CACNA1H: variants seen among roughly 807,000 people sequenced by gnomAD.
CACNA1H encodes voltage-dependent T-type calcium channel subunit alpha-1H.
CACNA1H carries 149 observed loss-of-function variants against 192.5 expected under a neutral mutation model. The ratio of observed to expected loss-of-function variants is 0.77; its 90% CI spans 0.68 to 0.89. The LOEUF is 0.89. Ranked by LOEUF, CACNA1H falls within the 40% of genes least tolerant of loss-of-function variation. CACNA1H has a pLI of 0.00. For missense variants in CACNA1H, 4,257 were observed against 3,423.5 expected (o/e 1.24, Z -6.08); for synonymous variants, 2,202 against 1,475.2 (o/e 1.49, Z -11.29).
intron 2 of CACNA1H, among the ~76,000 whole-genome samples, chr16:1,158,523 C>A (rs867347360): frequency 6.6e-6 from 1 of 152,198 alleles, no homozygotes; most frequent in African/African-American, 2.4e-5. Flanking sequence ...GCCGCACGCC[C>A]CGTGGGACGT....
rs60068181 is a variant in CACNA1H at position 1,214,895 on chromosome 16, G to A, written c.4930-77G>A. The A allele has an allele frequency of 3.0e-3, 3,335 of 1,103,256 alleles. 54 individuals carry two copies. The highest frequency in any genetic ancestry group is 0.025 in the South Asian group (1,879 of 74,640). 68.3% of individuals were successfully genotyped at this position (1,103,256 alleles called of 1,614,324 possible). Reference sequence around the variant, plus strand: ...CCAGGGCCGGCCAGCGGGGGCACTCGGGCGTGCAGAGTGGGAGCCAGGGGG... The same window carrying A: ...CCAGGGCCGGCCAGCGGGGGCACTCAGGCGTGCAGAGTGGGAGCCAGGGGG... On this transcript the variant is annotated intron_variant, in intron 27 of 34. Coordinates refer to ENST00000348261, the MANE Select transcript of CACNA1H (RefSeq NM_021098.3).
At chr16:1,205,964 A>T in intron 11 of CACNA1H, 140 bp from the exon 12 acceptor site, 4 of 759,514 alleles carry the variant, frequency 5.3e-6, no homozygotes, top group Non-Finnish European at 8.2e-6. Context: ...ATGCACCTTG[A>T]TGCAGCCATA....
Position 1,209,100 on chromosome 16 carries a change from C to A in CACNA1H, c.3432C>A (p.Ser1144Arg). The change falls in exon 17 of 35, where the codon AGC (serine) becomes AGA (arginine). Residue 1144 changes from serine (S) to arginine (R), a missense_variant. Ser to Arg is a moderately radical substitution (Grantham distance 110, BLOSUM62 -1). Coordinates refer to ENST00000348261, the MANE Select transcript of CACNA1H (RefSeq NM_021098.3). ...GCGCCTGGAGCAGCCGGCGCTCCAG[C>A]TGGAGCAGCCTGGGCCGTGCCCCCA... ...PSGAWSSRRS[S>R]WSSLGRAPSL... 1 of 1,549,432 alleles carries A rather than the reference C, an allele frequency of 6.5e-7. No individual in the cohort carries two copies. The highest frequency in any genetic ancestry group is 2.0e-5 in the Admixed American group (1 of 49,972).
At chr16:1,169,187 G>T (rs1252262139) in intron 2 of CACNA1H, among the ~76,000 whole-genome samples, 2 of 148,338 alleles carry the variant, frequency 1.3e-5, no homozygotes, top group African/African-American at 4.9e-5. Flanking sequence ...GGTGGGGGTG[G>T]GGCTTGCTGG....
rs1244033672 is a variant in CACNA1H at position 1,209,085 on chromosome 16, C to T, written c.3417C>T (p.Ser1139=). 9 of 1,544,212 alleles carry T rather than the reference C, an allele frequency of 5.8e-6. No homozygotes were observed. The highest frequency in any genetic ancestry group is 7.0e-6 in the Non-Finnish European group (8 of 1,148,642). The part of the protein sequence containing the change: ...CAPWGPSGAW[S]SRRSSWSSLG... ...CCTGGGGCCCCAGTGGCGCCTGGAG[C>T]AGCCGGCGCTCCAGCTGGAGCAGCC... The change falls in exon 17 of 35, where the codon AGC becomes AGT. Residue 1139 remains serine (S), a synonymous_variant. Coordinates refer to ENST00000348261, the MANE Select transcript of CACNA1H (RefSeq NM_021098.3).
rs770718464 is a variant in CACNA1H at position 1,209,413 on chromosome 16, G to A, written c.3744+1G>A. 1.9e-6 allele frequency: 3 copies of A among 1,596,834 alleles called. No individual in the cohort carries two copies. The highest frequency in any genetic ancestry group is 1.7e-5 in the Admixed American group (1 of 59,928). ...CGAGCTTGACGACGACTCGGAGGAC[G>A]TGAGTGCGTGGCCCTGGGCCCACCG... On this transcript the variant is annotated splice_donor_variant, in intron 17 of 34. Transcript: ENST00000348261. LOFTEE classifies it high-confidence loss of function.
chr16:1,193,724 C>G (rs1293584607), intron 2 of CACNA1H, among the ~76,000 whole-genome samples: 1 of 152,176 alleles, frequency 6.6e-6, no homozygotes, highest in Non-Finnish European at 1.5e-5. Context: ...ACATTGGTGG[C>G]CTGGAGCCGT....
chr16:1,210,017 C>T lies in CACNA1H; in HGVS notation c.3745-18C>T, dbSNP rs570915422. 2.0e-4 allele frequency: 304 copies of T among 1,540,564 alleles called. 1 individual carries two copies. Among genetic ancestry groups the T allele is most frequent in the Middle Eastern group, 1.1e-3 (6 of 5,452 alleles). ...CAGGCAGGCGCAGGCTCTGAGAAGCCGCCGCCTCATCCCACAGAGCTGCTG... is the reference window on the plus strand; with the variant it reads ...CAGGCAGGCGCAGGCTCTGAGAAGCTGCCGCCTCATCCCACAGAGCTGCTG... On this transcript the variant is annotated intron_variant, in intron 17 of 34. Coordinates refer to ENST00000348261, the MANE Select transcript of CACNA1H (RefSeq NM_021098.3).
In CACNA1H at chr16:1,209,609, C is replaced by T. The variant is rs114948746; in HGVS notation, c.3744+197C>T. 645 of 686,478 alleles carry T rather than the reference C, an allele frequency of 9.4e-4. 6 individuals are homozygous for T. The African/African-American group carries it at 0.011, about 11-fold the overall frequency. The allele number at this position is 686,478 out of a possible 1,614,324, so 42.5% of individuals were successfully genotyped here. A position where few individuals can be genotyped will look rare whatever the true frequency, so the allele number is the denominator to read the frequency against. ...CACAGATGATCCCAGAGTCCCCCCT[C>T]TGCCGTCTAGGGGCTGTGAGCTAAA... On this transcript the variant is annotated intron_variant, in intron 17 of 34. Transcript: ENST00000348261.
chr16:1,220,660 A>T lies in CACNA1H; in HGVS notation c.6728A>T (p.Asp2243Val), dbSNP rs1181194313. Residue 2243 changes from aspartate to valine, a missense_variant, in exon 35 of 35, where the codon GAC becomes GTC. By Grantham distance (152) the Asp-to-Val change is radical (BLOSUM62 -3). Coordinates refer to ENST00000348261, the MANE Select transcript of CACNA1H (RefSeq NM_021098.3). ...EPTEGSGAGGDPAAKGERWGQ... is the reference protein window; with the variant it reads ...EPTEGSGAGGVPAAKGERWGQ... ...ACAGAGGGCTCAGGCGCCGGGGGGG[A>T]CCCTGCAGCCAAGGGGGAGCGCTGG... 1 of 1,604,756 alleles carries T rather than the reference A, an allele frequency of 6.2e-7. No homozygotes were observed. The highest frequency in any genetic ancestry group is 8.5e-7 in the Non-Finnish European group (1 of 1,176,342).
In CACNA1H at chr16:1,206,218, G is replaced by A. The variant is rs776301157; in HGVS notation, c.2718G>A (p.Val906=). The stretch of plus-strand genomic sequence containing the variant: ...TGCCAGCCCTGCGGCGCCAGCTCGT[G>A]GTGCTGGTGAAGACCATGGACAACG... ...RFLPALRRQL[V]VLVKTMDNVA... The change falls in exon 12 of 35, where the codon GTG becomes GTA. Residue 906 remains valine, a synonymous_variant. Transcript: ENST00000348261. 4 of 1,592,734 alleles carry A rather than the reference G, an allele frequency of 2.5e-6. No homozygotes were observed. The African/African-American group carries it at 4.0e-5, about 16-fold the overall frequency.
Position 1,213,854 on chromosome 16 carries a change from T to C in CACNA1H, c.4852T>C (p.Tyr1618His). The change falls in exon 27 of 35, where the codon TAT becomes CAT. Residue 1618 changes from tyrosine (Y) to histidine (H), a missense_variant. By Grantham distance (83) the Tyr-to-His change is moderately conservative. Transcript: ENST00000348261. ...CATTCACTCGCTGTGCACCAGCCAC[T>C]ATCTCGACCTCTTCATCACCTTCAT... is the stretch of plus-strand genomic sequence containing the variant. ...RSIHSLCTSH[Y>H]LDLFITFIIC... The C allele has an allele frequency of 1.2e-6, 2 of 1,609,028 alleles. No individual in the cohort carries two copies. Among genetic ancestry groups the C allele is most frequent in the Non-Finnish European group, 1.7e-6 (2 of 1,178,164 alleles).
rs1269104392 is a variant in CACNA1H, at chr16:1,210,147, G to A, written c.3845+12G>A. ...TCCCCACAGAACCGGTGAGGCGGCC[G>A]GGTCAGGAGGCTGCATGGCTAGTTC... On this transcript the variant is annotated intron_variant, in intron 18 of 34. Transcript: ENST00000348261. 1.1e-5 allele frequency: 17 copies of A among 1,546,496 alleles called. No individual in the cohort carries two copies. Among genetic ancestry groups the A allele is most frequent in the East Asian group, 4.9e-5 (2 of 40,986 alleles).
At chr16:1,202,781 C>T (rs757884504) in intron 9 of CACNA1H, among the ~76,000 whole-genome samples, 4 of 152,218 alleles carry the variant, frequency 2.6e-5, no homozygotes, top group African/African-American at 4.8e-5. Flanking sequence ...GGACCGTATG[C>T]TTGTGTCCAC....
Position 1,200,269 on chromosome 16 carries a change from A to T in CACNA1H, c.817A>T (p.Thr273Ser), listed in dbSNP as rs58386301. The change falls in exon 7 of 35, where the codon ACC becomes TCC. Residue 273 changes from threonine to serine, a missense_variant. Physicochemically the swap from Thr to Ser is moderately conservative, Grantham distance 58. Coordinates refer to ENST00000348261, the MANE Select transcript of CACNA1H (RefSeq NM_021098.3). ...GCCCATCCCCAGGAACAACAACCTGACCTTCCTGCGGCCGTACTACCAGAC... is the reference window on the plus strand; with the variant it reads ...GCCCATCCCCAGGAACAACAACCTGTCCTTCCTGCGGCCGTACTACCAGAC... ...DSAFVRNNNLTFLRPYYQTEE... is the reference protein window; with the variant it reads ...DSAFVRNNNLSFLRPYYQTEE... 1.2e-4 allele frequency: 198 copies of T among 1,600,044 alleles called. 1 individual carries two copies. The African/African-American group carries it at 2.3e-3, about 19-fold the overall frequency.
rs1567509290 is a variant in CACNA1H, at chr16:1,200,745, C to T, written c.1149C>T (p.Ile383=). 2 of 1,560,360 alleles carry T rather than the reference C, an allele frequency of 1.3e-6. No individual in the cohort carries two copies. The highest frequency in any genetic ancestry group is 1.7e-6 in the Non-Finnish European group (2 of 1,152,352). Residue 383 remains isoleucine (I), a synonymous_variant, in exon 8 of 35, where the codon ATC becomes ATT. Coordinates refer to ENST00000348261, the MANE Select transcript of CACNA1H (RefSeq NM_021098.3). ...QVITLEGWVD[I]MYYVMDAHSF... Reference sequence around the variant, plus strand: ...TCACGCTGGAAGGCTGGGTGGACATCATGTACTACGTCATGGACGCCCACT... The same window carrying T: ...TCACGCTGGAAGGCTGGGTGGACATTATGTACTACGTCATGGACGCCCACT...
chr16:1,181,464 C>T (rs893370317), intron 2 of CACNA1H, among the ~76,000 whole-genome samples: 4 of 152,352 alleles, frequency 2.6e-5, no homozygotes, highest in African/African-American at 9.6e-5. Context: ...CCTGGGTGGT[C>T]GTGCCCCCGA....
chr16:1,210,486 G>A lies in CACNA1H; in HGVS notation c.3962G>A (p.Gly1321Asp), dbSNP rs1043239667. ...CTGGAGAGGCCTGACATTGATCCCGGCAGCACCGTGAGTCAGCCAACCCCA... is the reference window on the plus strand; with the variant it reads ...CTGGAGAGGCCTGACATTGATCCCGACAGCACCGTGAGTCAGCCAACCCCA... ...IALERPDIDP[G>D]STERVFLSVS... is the part of the protein sequence containing the mutation. Residue 1321 changes from glycine (G) to aspartate (D), a missense_variant, in exon 19 of 35, where the codon GGC becomes GAC. Coordinates refer to ENST00000348261, the MANE Select transcript of CACNA1H (RefSeq NM_021098.3). The A allele has an allele frequency of 6.2e-7, 1 of 1,611,752 alleles. No homozygotes were observed. Among genetic ancestry groups the A allele is most frequent in the Non-Finnish European group, 8.5e-7 (1 of 1,179,714 alleles).
intron 25 of CACNA1H, 45 bp from the exon 26 acceptor site, chr16:1,212,466 G>A: frequency 6.3e-7 from 1 of 1,591,062 alleles, no homozygotes; most frequent in Non-Finnish European, 8.6e-7. Flanking sequence ...CCAGGCCCGA[G>A]TGCGCCACGC....
Sources: allele counts gnomAD v4.1 joint callset (sites outside exome capture counted in the v4.1 genomes callset), GRCh38; gene constraint gnomAD v4.1.1; transcripts MANE v1.5; gene names NCBI Gene and HGNC (gene_info 2026-07-23, HGNC 2026-07-21).